TANC1: variants seen among roughly 807,000 people sequenced by gnomAD.
TANC1 encodes tetratricopeptide repeat, ankyrin repeat and coiled-coil containing 1, also known as protein TANC1.
TANC1 carries 77 observed loss-of-function variants against 149.7 expected under a neutral mutation model. The ratio of observed to expected loss-of-function variants is 0.51; its 90% CI spans 0.43 to 0.62. The LOEUF is 0.62. Ranked by LOEUF, TANC1 falls within the 20% of genes least tolerant of loss-of-function variation. The probability of loss-of-function intolerance (pLI) is 0.00; values close to 1 mark genes in which losing one functional copy is unlikely to be tolerated. For missense variants in TANC1, 1,985 were observed against 2,321.8 expected (o/e 0.85, Z 2.98); for synonymous variants, 854 against 925.0 (o/e 0.92, Z 1.39).
At chr2:159,159,717 TGAGAGAGA>T (rs56101796) in intron 7 of TANC1, among the ~76,000 whole-genome samples, 7,622 of 114,772 alleles carry the variant, frequency 0.066, 484 homozygotes, top group African/African-American at 0.17. Flanking sequence ...TGTGTGTGTG[TGAGAGAGA>T]GAGAGAGAGA....
chr2:159,118,453 C>T (rs1438921437), intron 4 of TANC1, among the ~76,000 whole-genome samples: 2 of 152,152 alleles, frequency 1.3e-5, no homozygotes, highest in Non-Finnish European at 2.9e-5. Flanking sequence ...AAGATGAACT[C>T]CCAGTGTTGT....
chr2:158,996,892 A>T (rs935834584), intron 1 of TANC1, among the ~76,000 whole-genome samples: 10 of 152,014 alleles, frequency 6.6e-5, no homozygotes, highest in Admixed American at 1.3e-4. Context: ...ACTTTAGTGT[A>T]TGCAAATTTA....
chr2:159,200,793 C>A (rs898243338), intron 19 of TANC1, among the ~76,000 whole-genome samples: 5 of 152,194 alleles, frequency 3.3e-5, no homozygotes, highest in African/African-American at 1.2e-4. Flanking sequence ...AGAGACTCCA[C>A]TGGGGAAAGA....
intron 19 of TANC1, among the ~76,000 whole-genome samples, chr2:159,212,328 C>T (rs2150865891): frequency 6.6e-6 from 1 of 152,196 alleles, no homozygotes; most frequent in South Asian, 2.1e-4. Flanking sequence ...TTGTTCCTTG[C>T]CTAGAGGAAA....
At chr2:159,168,065 T>A (rs2054791069) in intron 8 of TANC1, among the ~76,000 whole-genome samples, 1 of 152,190 alleles carries the variant, frequency 6.6e-6, no homozygotes, top group South Asian at 2.1e-4. Context: ...GTATATTTTC[T>A]TGTCCTGAAA....
chr2:159,206,452 C>T (rs1040299438), intron 19 of TANC1, among the ~76,000 whole-genome samples: 20 of 152,212 alleles, frequency 1.3e-4, no homozygotes, highest in African/African-American at 4.6e-4. Context: ...ATGTCCCCGC[C>T]CTGTAGGGCA....
chr2:158,975,362 C>G (rs1245382605), intron 1 of TANC1, among the ~76,000 whole-genome samples: 3 of 152,022 alleles, frequency 2.0e-5, no homozygotes, highest in Non-Finnish European at 2.9e-5. Context: ...TGGCCATGTA[C>G]TTAAGGGTAA....
At chr2:159,172,086 G>C (rs768610151) in intron 10 of TANC1, 35 bp from the exon 11 acceptor site, 1 of 1,602,110 alleles carries the variant, frequency 6.2e-7, no homozygotes, top group South Asian at 1.1e-5. Context: ...TGCTCCTACT[G>C]TGATGTACAT....
intron 5 of TANC1, among the ~76,000 whole-genome samples, chr2:159,143,575 AAAAAAAAAAT>A: frequency 6.6e-6 from 1 of 150,444 alleles, no homozygotes; most frequent in African/African-American, 2.4e-5. Flanking sequence ...AAAAAAAAAA[AAAAAAAAAAT>A]GGAAATTGCT....
At position 159,230,311 on chromosome 2, in the gene TANC1, A is replaced by C; in HGVS notation, c.4885A>C (p.Arg1629=). 6.2e-7 allele frequency: 1 copy of C among 1,614,094 alleles called. No homozygotes were observed. The part of the protein sequence containing the change: ...PLPSKTKTTE[R]LLSHSSVAVD... ...ACCAAGTAAGACGAAAACCACAGAG[A>C]GGCTTCTGTCTCATTCCTCCGTGGC... The change falls in exon 27 of 27, where the codon AGG becomes CGG. Residue 1629 remains arginine, a synonymous_variant. Transcript: ENST00000263635. The surrounding 1 kb of genome is among the most constrained non-coding windows in gnomAD (Gnocchi z 4.4).
intron 24 of TANC1, 160 bp downstream of exon 24, chr2:159,225,939 T>C (rs2059998722): frequency 1.5e-6 from 1 of 678,092 alleles, no homozygotes; most frequent in African/African-American, 1.8e-5. Context: ...TCCAGCACTT[T>C]TGGAGGCCGA....
intron 3 of TANC1, among the ~76,000 whole-genome samples, chr2:159,094,229 A>C (rs917812696): frequency 2.0e-5 from 3 of 152,206 alleles, no homozygotes; most frequent in Non-Finnish European, 2.9e-5. Flanking sequence ...GATTTAGCCT[A>C]TGTGAGAACA....
intron 7 of TANC1, among the ~76,000 whole-genome samples, chr2:159,151,124 T>C (rs1288575370): frequency 6.6e-6 from 1 of 152,212 alleles, no homozygotes; most frequent in Non-Finnish European, 1.5e-5. Context: ...GTCCGGACTC[T>C]TACGCCGATT....
chr2:159,191,707 A>G (rs1220122422), intron 16 of TANC1, among the ~76,000 whole-genome samples: 1 of 152,136 alleles, frequency 6.6e-6, no homozygotes, highest in Non-Finnish European at 1.5e-5. Flanking sequence ...TTGGTAGTAT[A>G]ATTTTCCAGA....
intron 3 of TANC1, among the ~76,000 whole-genome samples, chr2:159,077,988 G>A (rs1470367259): frequency 1.3e-5 from 2 of 152,162 alleles, no homozygotes; most frequent in Non-Finnish European, 2.9e-5. Context: ...GCCAGCATGA[G>A]AGGCAAAAAT....
chr2:159,193,302 C>T (rs575525723), intron 16 of TANC1, among the ~76,000 whole-genome samples: 2 of 152,304 alleles, frequency 1.3e-5, no homozygotes, highest in South Asian at 4.1e-4. Context: ...AGGATTTTCT[C>T]CCTTTTTAAG....
At chr2:159,199,735 A>G (rs1270077071) in intron 19 of TANC1, among the ~76,000 whole-genome samples, 1 of 152,254 alleles carries the variant, frequency 6.6e-6, no homozygotes, top group East Asian at 1.9e-4. Flanking sequence ...CAGCATGAGT[A>G]TTTAAAATGA....
chr2:159,101,447 T>C (rs2046694871), intron 4 of TANC1, among the ~76,000 whole-genome samples: 1 of 152,190 alleles, frequency 6.6e-6, no homozygotes, highest in Non-Finnish European at 1.5e-5. Context: ...CATGATTGAG[T>C]TTCTTACTTT....
rs756633260 is a variant in TANC1 at position 159,150,491 on chromosome 2, A to G, written c.617A>G (p.Lys206Arg). The G allele has an allele frequency of 1.9e-6, 3 of 1,614,148 alleles. No homozygotes were observed. Among genetic ancestry groups the G allele is most frequent in the Admixed American group, 3.3e-5 (2 of 60,014 alleles). ...NSCVSKTAAN[K>R]SPCETISSPS... is the part of the protein sequence containing the mutation. Reference sequence around the variant, plus strand: ...TGTGTCAGCAAGACGGCAGCCAACAAAAGTCCCTGTGAGACCATTAGCAGC... The same window carrying G: ...TGTGTCAGCAAGACGGCAGCCAACAGAAGTCCCTGTGAGACCATTAGCAGC... The change falls in exon 7 of 27, where the codon AAA (lysine) becomes AGA (arginine). Residue 206 changes from lysine to arginine, a missense_variant. Physicochemically the swap from Lys to Arg is conservative, Grantham distance 26. Around this residue, in one of 3 missense-constraint regions of TANC1, gnomAD observed 557 missense variants for 612.9 expected, o/e 0.91. Coordinates refer to ENST00000263635, the MANE Select transcript of TANC1 (RefSeq NM_033394.3).
Sources: allele counts gnomAD v4.1 joint callset (sites outside exome capture counted in the v4.1 genomes callset), GRCh38; gene constraint gnomAD v4.1.1; regional missense constraint gnomAD v4.1.1; non-coding constraint Gnocchi (gnomAD v3.1); transcripts MANE v1.5; gene names NCBI Gene and HGNC (gene_info 2026-07-23, HGNC 2026-07-21).